KIAA1217: variants seen among roughly 807,000 people sequenced by gnomAD.
KIAA1217 encodes the protein KIAA1217, also known as sickle tail protein homolog.
Under a neutral mutation model 163.9 loss-of-function variants are expected in KIAA1217, and 88 were observed. The observed-to-expected ratio is 0.54, with a 90% CI of 0.45 to 0.64. The LOEUF is 0.64. KIAA1217 is among the 30% of genes least tolerant of loss of function. KIAA1217 has a pLI of 0.00. For synonymous variants in KIAA1217, 903 were observed against 923.1 expected (o/e 0.98, Z 0.39); for missense variants, 2,372 against 2,475.0 (o/e 0.96, Z 0.88).
intron 2 of KIAA1217, among the ~76,000 whole-genome samples, chr10:24,167,364 G>T (rs986369807): frequency 1.3e-5 from 2 of 151,430 alleles, no homozygotes; most frequent in South Asian, 2.1e-4. Flanking sequence ...CCCTATATTT[G>T]TCCTCTCACA....
chr10:24,282,236 C>A (rs2078029116), intron 2 of KIAA1217, among the ~76,000 whole-genome samples: 1 of 151,890 alleles, frequency 6.6e-6, no homozygotes, highest in South Asian at 2.1e-4. Flanking sequence ...TACTAATAAT[C>A]TATATGATTT....
At chr10:24,487,119 TCTC>T (rs1305748663) in intron 6 of KIAA1217, among the ~76,000 whole-genome samples, 4 of 152,332 alleles carry the variant, frequency 2.6e-5, no homozygotes, top group East Asian at 1.9e-4. Flanking sequence ...ACTGCTCCCT[TCTC>T]CTTCTTCTTC....
chr10:23,712,618 T>C (rs896736273), intron 1 of KIAA1217, among the ~76,000 whole-genome samples: 1 of 152,108 alleles, frequency 6.6e-6, no homozygotes, highest in Non-Finnish European at 1.5e-5. Context: ...TTTTGACAAA[T>C]AATTTAAGCC....
chr10:24,396,351 AAAG>A (rs1318603406), intron 3 of KIAA1217, among the ~76,000 whole-genome samples: 1 of 152,156 alleles, frequency 6.6e-6, no homozygotes, highest in Non-Finnish European at 1.5e-5. Flanking sequence ...AAAAGAGAAA[AAAG>A]AAAAAAAATG....
intron 2 of KIAA1217, among the ~76,000 whole-genome samples, chr10:24,377,352 G>A (rs2052651763): frequency 6.6e-6 from 1 of 152,138 alleles, no homozygotes; most frequent in Admixed American, 6.5e-5. Context: ...TCCTGCTCAC[G>A]TGGCTCAGAG....
chr10:23,744,952 G>A (rs1300986718), intron 1 of KIAA1217, among the ~76,000 whole-genome samples: 3 of 152,146 alleles, frequency 2.0e-5, no homozygotes, highest in African/African-American at 7.2e-5. Context: ...CTCCATTATG[G>A]AGAGCAATCT....
At chr10:24,254,923 G>A (rs756765915) in intron 2 of KIAA1217, among the ~76,000 whole-genome samples, 13 of 150,308 alleles carry the variant, frequency 8.6e-5, no homozygotes, top group Admixed American at 2.0e-4. Context: ...ACGTAATCTT[G>A]GCTCACAGCA....
intron 2 of KIAA1217, among the ~76,000 whole-genome samples, chr10:24,022,314 T>C (rs1847768578): frequency 1.3e-5 from 2 of 151,842 alleles, no homozygotes. Context: ...CAGTCACTTC[T>C]CTAAAGAAGA....
At chr10:24,394,576 T>C (rs1050647188) in intron 3 of KIAA1217, among the ~76,000 whole-genome samples, 1 of 152,192 alleles carries the variant, frequency 6.6e-6, no homozygotes, top group Non-Finnish European at 1.5e-5. Context: ...TTAAGGAATT[T>C]TCAGTATAAC....
intron 9 of KIAA1217, among the ~76,000 whole-genome samples, chr10:24,511,242 G>A (rs182022861): frequency 1.1e-3 from 162 of 151,670 alleles, no homozygotes; most frequent in African/African-American, 3.7e-3. Context: ...CATGGAGGGA[G>A]GGAGATTAGC....
intron 2 of KIAA1217, among the ~76,000 whole-genome samples, chr10:24,228,817 G>T (rs1280276368): frequency 6.6e-6 from 1 of 152,084 alleles, no homozygotes. Flanking sequence ...TATCAATTTT[G>T]TTATACCTAG....
At chr10:24,194,804 G>A (rs1265536584) in intron 2 of KIAA1217, among the ~76,000 whole-genome samples, 5 of 129,248 alleles carry the variant, frequency 3.9e-5, no homozygotes, top group Non-Finnish European at 7.9e-5. Context: ...AAGAGTCTCA[G>A]TATGTTAGTC....
intron 1 of KIAA1217, among the ~76,000 whole-genome samples, chr10:23,965,255 G>C (rs984545708): frequency 1.3e-5 from 2 of 152,208 alleles, no homozygotes; most frequent in African/African-American, 4.8e-5. Flanking sequence ...TGCTGCATCC[G>C]GAGGGCCTCT....
chr10:23,781,918 A>G (rs557393285), intron 1 of KIAA1217, among the ~76,000 whole-genome samples: 2 of 152,108 alleles, frequency 1.3e-5, no homozygotes, highest in African/African-American at 4.8e-5. Context: ...ATTCTGTTCC[A>G]TTGGTCTATG....
intron 1 of KIAA1217, among the ~76,000 whole-genome samples, chr10:23,743,347 C>A (rs1385348531): frequency 6.6e-6 from 1 of 152,040 alleles, no homozygotes; most frequent in African/African-American, 2.4e-5. Context: ...ATTTCTTTTG[C>A]AATTCACCTC....
intron 2 of KIAA1217, among the ~76,000 whole-genome samples, chr10:24,169,745 T>G (rs763729422): frequency 9.2e-5 from 14 of 152,122 alleles, no homozygotes; most frequent in Non-Finnish European, 1.9e-4. Flanking sequence ...GGTGCTTCTC[T>G]TAGACAAAGA....
intron 2 of KIAA1217, among the ~76,000 whole-genome samples, chr10:24,318,711 C>A (rs1343420673): frequency 1.3e-5 from 2 of 152,162 alleles, no homozygotes; most frequent in African/African-American, 2.4e-5. Context: ...GACAACATTT[C>A]CTATTCCGCT....
chr10:24,066,412 G>A (rs1206077021), intron 2 of KIAA1217, among the ~76,000 whole-genome samples: 1 of 152,126 alleles, frequency 6.6e-6, no homozygotes, highest in Non-Finnish European at 1.5e-5. Flanking sequence ...AGCTTAGTTT[G>A]GCTGGATATG....
At chr10:24,259,453 A>C (rs1229206837) in intron 2 of KIAA1217, among the ~76,000 whole-genome samples, 1 of 152,070 alleles carries the variant, frequency 6.6e-6, no homozygotes, top group Non-Finnish European at 1.5e-5. Flanking sequence ...TCTTTACAAA[A>C]ACAACAACAA....
Sources: allele counts gnomAD v4.1 joint callset (sites outside exome capture counted in the v4.1 genomes callset), GRCh38; gene constraint gnomAD v4.1.1; transcripts MANE v1.5; gene names NCBI Gene and HGNC (gene_info 2026-07-23, HGNC 2026-07-21).